Variants in UGGT2 observed in about 807,000 individuals in gnomAD.
UGGT2 encodes UDP-glucose:glycoprotein glucosyltransferase 2.
Under a neutral mutation model 192.1 loss-of-function variants are expected in UGGT2, and 180 were observed. The observed-to-expected ratio is 0.94, with a 90% CI of 0.83 to 1.06. UGGT2 has a LOEUF of 1.06. UGGT2 is among the 50% of genes least tolerant of loss of function. The pLI is 0.00. For synonymous variants in UGGT2, 580 were observed against 591.0 expected (o/e 0.98, Z 0.27); for missense variants, 1,849 against 1,795.7 (o/e 1.03, Z -0.54).
chr13:96,053,131 G>T (rs1021099441), intron 1 of UGGT2, 24 bp downstream of exon 1: 1 of 1,471,348 alleles, frequency 6.8e-7, no homozygotes, highest in African/African-American at 1.5e-5. Flanking sequence ...CACCCGCCCG[G>T]ACGAGGGCCC....
chr13:95,939,146 G>T (rs2049571167), intron 16 of UGGT2, among the ~76,000 whole-genome samples: 1 of 150,112 alleles, frequency 6.7e-6, no homozygotes, highest in Non-Finnish European at 1.5e-5. Flanking sequence ...CTATAACACA[G>T]GAACAACATA....
intron 22 of UGGT2, among the ~76,000 whole-genome samples, chr13:95,897,046 T>C (rs922823481): frequency 3.9e-5 from 6 of 152,068 alleles, no homozygotes; most frequent in Non-Finnish European, 7.4e-5. Context: ...GTAACACAAA[T>C]TAAGTCTACA....
At chr13:95,950,415 A>G (rs1454173004) in intron 12 of UGGT2, among the ~76,000 whole-genome samples, 1 of 152,122 alleles carries the variant, frequency 6.6e-6, no homozygotes, top group Non-Finnish European at 1.5e-5. Flanking sequence ...ACACAAAAAT[A>G]GTAGAGCCTT....
intron 36 of UGGT2, among the ~76,000 whole-genome samples, chr13:95,847,515 TTGC>T (rs757818893): frequency 3.9e-5 from 6 of 152,332 alleles, no homozygotes; most frequent in Admixed American, 2.6e-4. Flanking sequence ...CTCCATAGTT[TTGC>T]TTTTTTCCAG....
chr13:95,894,623 T>C lies in UGGT2; in HGVS notation c.2794A>G (p.Met932Val). The change falls in exon 24 of 39, where the codon ATG becomes GTG. Residue 932 changes from methionine to valine, a missense_variant. Coordinates refer to ENST00000376747, the MANE Select transcript of UGGT2 (RefSeq NM_020121.4). ...GATGCACGCTTAGGCACAGAGGACATAAGGGCATCAACTTTCATAATAAAG... is the reference window on the plus strand; with the variant it reads ...GATGCACGCTTAGGCACAGAGGACACAAGGGCATCAACTTTCATAATAAAG... ...SDFIMKVDAL[M>V]SSVPKRASRY... The C allele has an allele frequency of 1.9e-6, 3 of 1,612,142 alleles. No individual in the cohort carries two copies. Among genetic ancestry groups the C allele is most frequent in the Non-Finnish European group, 2.5e-6 (3 of 1,178,962 alleles).
intron 36 of UGGT2, among the ~76,000 whole-genome samples, chr13:95,850,672 G>A (rs1484076123): frequency 3.3e-5 from 5 of 152,168 alleles, no homozygotes; most frequent in African/African-American, 1.2e-4. Flanking sequence ...TAAACACTGA[G>A]CTTCTAATAT....
chr13:95,832,143 G>A (rs2139874321), intron 38 of UGGT2, among the ~76,000 whole-genome samples: 1 of 151,694 alleles, frequency 6.6e-6, no homozygotes, highest in East Asian at 1.9e-4. Context: ...TAAAGCTGAG[G>A]AAAATGAGAA....
chr13:95,836,162 C>T (rs532256790), intron 37 of UGGT2, among the ~76,000 whole-genome samples: 4 of 152,274 alleles, frequency 2.6e-5, no homozygotes, highest in African/African-American at 9.6e-5. Flanking sequence ...AATTCTCCTG[C>T]CTCAGCCTCC....
intron 1 of UGGT2, among the ~76,000 whole-genome samples, chr13:96,034,688 A>G (rs1690631769): frequency 6.6e-6 from 1 of 152,052 alleles, no homozygotes; most frequent in South Asian, 2.1e-4. Flanking sequence ...ACTGCATTCC[A>G]CCACAGTGCC....
At chr13:95,995,828 T>C in intron 7 of UGGT2, 1 of 479,834 alleles carries the variant, frequency 2.1e-6, no homozygotes, top group Non-Finnish European at 3.7e-6. Context: ...ACATTATGAG[T>C]TATCTCTTTA....
chr13:95,978,395 T>C (rs918515878), intron 10 of UGGT2, among the ~76,000 whole-genome samples: 1 of 152,184 alleles, frequency 6.6e-6, no homozygotes, highest in African/African-American at 2.4e-5. Flanking sequence ...GTTTTGCTGT[T>C]GTTTGAGCTC....
chr13:95,828,370 A>G (rs1201790006), intron 38 of UGGT2, among the ~76,000 whole-genome samples: 1 of 152,188 alleles, frequency 6.6e-6, no homozygotes, highest in Non-Finnish European at 1.5e-5. Flanking sequence ...CAAAAAATCA[A>G]TGAATTCAGG....
At chr13:95,819,811 C>CA (rs1885308861) in intron 38 of UGGT2, among the ~76,000 whole-genome samples, 1 of 152,128 alleles carries the variant, frequency 6.6e-6, no homozygotes, top group Non-Finnish European at 1.5e-5. Context: ...ACTGAGCTAA[C>CA]ACAATGTAGA....
intron 28 of UGGT2, 144 bp downstream of exon 28, chr13:95,877,554 T>C: frequency 9.2e-7 from 1 of 1,087,252 alleles, no homozygotes; most frequent in Non-Finnish European, 1.3e-6. Context: ...TCCCCATTTT[T>C]TATTTATCTT....
chr13:95,894,182 G>C (rs1031691868), intron 24 of UGGT2, among the ~76,000 whole-genome samples: 1 of 152,086 alleles, frequency 6.6e-6, no homozygotes, highest in Non-Finnish European at 1.5e-5. Flanking sequence ...CTTTGTGACA[G>C]AGGCCACCCT....
At chr13:95,974,121 TAC>T (rs1386872900) in intron 10 of UGGT2, among the ~76,000 whole-genome samples, 4 of 152,224 alleles carry the variant, frequency 2.6e-5, no homozygotes, top group Non-Finnish European at 5.9e-5. Context: ...ACAGATGAGC[TAC>T]ACACAGAGGA....
chr13:95,814,098 C>T (rs1483949845), intron 38 of UGGT2, among the ~76,000 whole-genome samples: 1 of 152,214 alleles, frequency 6.6e-6, no homozygotes, highest in African/African-American at 2.4e-5. Flanking sequence ...TAGAGAGAAC[C>T]TCTACTAGGG....
intron 5 of UGGT2, among the ~76,000 whole-genome samples, chr13:96,008,009 A>G (rs1488279559): frequency 2.0e-5 from 3 of 152,240 alleles, no homozygotes; most frequent in African/African-American, 7.2e-5. Context: ...CTAGACCACT[A>G]TCTCTCACCA....
At chr13:95,911,989 A>G (rs1215868076) in intron 20 of UGGT2, among the ~76,000 whole-genome samples, 2 of 152,232 alleles carry the variant, frequency 1.3e-5, no homozygotes, top group Non-Finnish European at 2.9e-5. Context: ...CAAAAACCAC[A>G]TGATTATCTC....
Sources: gnomAD v4.1 joint callset for allele counts (sites outside exome capture counted in the v4.1 genomes callset) on GRCh38, gnomAD v4.1.1 for gene constraint, MANE v1.5 for transcripts, NCBI Gene and HGNC (gene_info 2026-07-23, HGNC 2026-07-21) for gene names.